The following UNC5D variants were observed in gnomAD, a reference collection of about 807,000 sequenced individuals.
The protein encoded by UNC5D is netrin receptor UNC5D.
Under a neutral mutation model 105.4 loss-of-function variants are expected in UNC5D, and 39 were observed. That is an observed-to-expected ratio of 0.37 (90% CI 0.29 to 0.48). The LOEUF (loss-of-function observed/expected upper bound fraction) is 0.48, where lower values mean the gene tolerates loss of function less well. Ranked by LOEUF, UNC5D falls within the 20% of genes least tolerant of loss-of-function variation. The probability of loss-of-function intolerance (pLI) is 0.98; values close to 1 mark genes in which losing one functional copy is unlikely to be tolerated. For missense variants in UNC5D, 991 were observed against 1,202.4 expected, an observed-to-expected ratio of 0.82 and a Z score of 2.60; for synonymous variants, 452 against 450.4, an observed-to-expected ratio of 1.00 and a Z score of -0.04.
intron 1 of UNC5D, among the ~76,000 whole-genome samples, chr8:35,546,305 A>G (rs1815675519): frequency 6.6e-6 from 1 of 152,188 alleles, no homozygotes. Context: ...CGTGCTGCTT[A>G]TCTAAAGGAC....
At position 35,581,809 on chromosome 8, in the gene UNC5D, T is replaced by C. The variant is rs78007633; in HGVS notation, c.466+13568T>C. 4.1e-4 allele frequency among the ~76,000 whole-genome samples: 63 copies of C among 152,262 alleles called. No homozygotes were observed. The East Asian group carries it at 0.012, about 29-fold the overall frequency. The stretch of plus-strand genomic sequence containing the variant: ...ATCATTGCTGTAAATTTGTGTTTAT[T>C]TCCCAGTGTTTCCTGATTCAGTAAA... On this transcript the variant is annotated intron_variant, in intron 3 of 16. Coordinates refer to ENST00000404895, the MANE Select transcript of UNC5D (RefSeq NM_080872.4).
intron 1 of UNC5D, among the ~76,000 whole-genome samples, chr8:35,338,720 C>A (rs760115360): frequency 3.9e-5 from 6 of 152,168 alleles, no homozygotes; most frequent in Non-Finnish European, 8.8e-5. Flanking sequence ...TTGCTCACAG[C>A]TTTCACCCCT....
At chr8:35,326,519 C>T (rs1161009609) in intron 1 of UNC5D, among the ~76,000 whole-genome samples, 3 of 152,112 alleles carry the variant, frequency 2.0e-5, no homozygotes, top group Non-Finnish European at 4.4e-5. Flanking sequence ...CTTTGGGAGG[C>T]TGAGGTAGGA....
chr8:35,728,993 G>A (rs1024309763), intron 10 of UNC5D, among the ~76,000 whole-genome samples: 4 of 152,188 alleles, frequency 2.6e-5, no homozygotes, highest in Non-Finnish European at 5.9e-5. Context: ...CACTCCCCAT[G>A]TGCCTTTGTG....
At chr8:35,667,155 CT>C (rs1292542358) in intron 4 of UNC5D, among the ~76,000 whole-genome samples, 1 of 151,820 alleles carries the variant, frequency 6.6e-6, no homozygotes, top group African/African-American at 2.4e-5. Flanking sequence ...ATGAAAATAG[CT>C]TTTTTCCCCT....
At chr8:35,409,401 T>G (rs1026831853) in intron 1 of UNC5D, among the ~76,000 whole-genome samples, 1 of 150,858 alleles carries the variant, frequency 6.6e-6, no homozygotes, top group Non-Finnish European at 1.5e-5. Context: ...TGTTGTCAGC[T>G]TTTGCTTTTG....
At chr8:35,248,988 A>AGGAAAACATCC (rs1803467101) in intron 1 of UNC5D, among the ~76,000 whole-genome samples, 1 of 92,086 alleles carries the variant, frequency 1.1e-5, no homozygotes, top group Non-Finnish European at 1.9e-5. Context: ...TTTATATAAT[A>AGGAAAACATCC]TATTATATAT....
intron 1 of UNC5D, among the ~76,000 whole-genome samples, chr8:35,374,863 T>C (rs1802609532): frequency 1.3e-5 from 2 of 152,250 alleles, no homozygotes; most frequent in Non-Finnish European, 2.9e-5. Context: ...GGGGCTCTAC[T>C]TTAATGAGGA....
At chr8:35,436,923 T>G (rs1421023107) in intron 1 of UNC5D, among the ~76,000 whole-genome samples, 2 of 152,240 alleles carry the variant, frequency 1.3e-5, no homozygotes, top group East Asian at 1.9e-4. Context: ...ACCTAGAAAC[T>G]TTTAAATATG....
chr8:35,440,097 T>A (rs911258968), intron 1 of UNC5D, among the ~76,000 whole-genome samples: 1 of 152,002 alleles, frequency 6.6e-6, no homozygotes, highest in Non-Finnish European at 1.5e-5. Context: ...CAAGTTCAAC[T>A]CTATCACGCT....
At chr8:35,723,095 GA>G (rs1451410035) in intron 9 of UNC5D, among the ~76,000 whole-genome samples, 6 of 152,140 alleles carry the variant, frequency 3.9e-5, no homozygotes, top group Non-Finnish European at 8.8e-5. Context: ...AGAAAAAAAT[GA>G]AACCGTCTCT....
At chr8:35,325,756 T>A (rs1810102177) in intron 1 of UNC5D, among the ~76,000 whole-genome samples, 2 of 152,170 alleles carry the variant, frequency 1.3e-5, no homozygotes, top group South Asian at 4.2e-4. Context: ...CATCTGAGAC[T>A]TGTTCTCAGG....
At position 35,666,049 on chromosome 8, in the gene UNC5D, T is replaced by A. The variant is rs190942796; in HGVS notation, c.571-17498T>A. Among the ~76,000 whole-genome samples the A allele has an allele frequency of 1.5e-3, 227 of 152,126 alleles. 2 individuals carry two copies. Among genetic ancestry groups the A allele is most frequent in the African/African-American group, 5.3e-3 (221 of 41,508 alleles). ...TTCTTGAATGGATTATTAGGGATAT[T>A]TCCTTCTTGAATGGATTATTAGGGA... On this transcript the variant is annotated intron_variant, in intron 4 of 16. Coordinates refer to ENST00000404895, the MANE Select transcript of UNC5D (RefSeq NM_080872.4).
At chr8:35,695,358 C>T (rs1290877586) in intron 7 of UNC5D, among the ~76,000 whole-genome samples, 1 of 152,090 alleles carries the variant, frequency 6.6e-6, no homozygotes, top group African/African-American at 2.4e-5. Context: ...TTCTAACTAA[C>T]AGTTAAAAAC....
At chr8:35,675,683 A>G (rs1188238791) in intron 4 of UNC5D, among the ~76,000 whole-genome samples, 2 of 151,990 alleles carry the variant, frequency 1.3e-5, no homozygotes, top group East Asian at 1.9e-4. Flanking sequence ...CTAGAATTCA[A>G]AGGTCAAGGG....
chr8:35,598,875 G>T (rs189858769), intron 4 of UNC5D, among the ~76,000 whole-genome samples: 6 of 152,254 alleles, frequency 3.9e-5, no homozygotes, highest in Non-Finnish European at 7.4e-5. Context: ...GGGTGCAATG[G>T]CTCATGCCTG....
chr8:35,540,573 A>G (rs7357437), intron 1 of UNC5D, among the ~76,000 whole-genome samples: 1,893 of 152,206 alleles, frequency 0.012, 53 homozygotes, highest in African/African-American at 0.044. Context: ...TGTGTGACCC[A>G]GAGAAAAATA....
intron 1 of UNC5D, among the ~76,000 whole-genome samples, chr8:35,419,578 G>T (rs941858098): frequency 1.2e-4 from 18 of 152,164 alleles, no homozygotes; most frequent in Non-Finnish European, 2.1e-4. Context: ...GCCCCCAAGG[G>T]CTGTTACAGC....
At chr8:35,452,346 TCTC>T (rs1269135370) in intron 1 of UNC5D, among the ~76,000 whole-genome samples, 1 of 152,052 alleles carries the variant, frequency 6.6e-6, no homozygotes, top group East Asian at 1.9e-4. Flanking sequence ...CTCACTGCCA[TCTC>T]CACCTCCCAG....
Sources: allele counts gnomAD v4.1 joint callset (sites outside exome capture counted in the v4.1 genomes callset), GRCh38; gene constraint gnomAD v4.1.1; transcripts MANE v1.5; gene names NCBI Gene and HGNC (gene_info 2026-07-23, HGNC 2026-07-21).